The following MSRA variants were observed in gnomAD, a reference collection of about 807,000 sequenced individuals.
MSRA encodes the protein mitochondrial peptide methionine sulfoxide reductase.
In MSRA, 54 loss-of-function variants were observed where a neutral mutation model predicts 31.3. The ratio of observed to expected loss-of-function variants is 1.73; its 90% CI spans 1.39 to 2.17. The LOEUF is 2.17. MSRA is among the 30% of genes most tolerant of loss of function. MSRA has a pLI of 0.00. For missense variants in MSRA, 507 were observed against 300.9 expected (o/e 1.69, Z -5.07); for synonymous variants, 169 against 116.5 (o/e 1.45, Z -2.90).
intron 1 of MSRA, among the ~76,000 whole-genome samples, chr8:10,112,364 G>T (rs1266452121): frequency 1.3e-5 from 2 of 152,316 alleles, no homozygotes; most frequent in Admixed American, 1.3e-4. Context: ...TGGTAAATGA[G>T]ATATAGAAGG....
At chr8:10,298,704 A>G (rs1172143373) in intron 3 of MSRA, among the ~76,000 whole-genome samples, 1 of 152,200 alleles carries the variant, frequency 6.6e-6, no homozygotes, top group Non-Finnish European at 1.5e-5. Context: ...ATCATAAAGT[A>G]ACAGCTTTGA....
At chr8:10,164,897 A>G (rs769874168) in intron 1 of MSRA, among the ~76,000 whole-genome samples, 3 of 152,164 alleles carry the variant, frequency 2.0e-5, no homozygotes, top group Admixed American at 2.0e-4. Context: ...GTGTTGTCGC[A>G]GACGCCTGTA....
At chr8:10,074,689 T>C (rs537986532) in intron 1 of MSRA, among the ~76,000 whole-genome samples, 87 of 152,188 alleles carry the variant, frequency 5.7e-4, no homozygotes, top group African/African-American at 2.0e-3. Context: ...GACACAGTCT[T>C]GCTCTGTTGC....
chr8:10,114,215 A>T (rs991697884), intron 1 of MSRA, among the ~76,000 whole-genome samples: 2 of 152,178 alleles, frequency 1.3e-5, no homozygotes, highest in Non-Finnish European at 2.9e-5. Context: ...TTTATCCATC[A>T]TCAGTTGGTG....
Position 10,254,267 on chromosome 8 carries a change from T to C in MSRA, c.331+9044T>C, listed in dbSNP as rs1030384462. ...GGTGACCACCTACCCACAACGTGTT[T>C]TGAACTCTTTTATTTATAGTTGTTG... On this transcript the variant is annotated intron_variant, in intron 3 of 5. Coordinates refer to ENST00000317173, the MANE Select transcript of MSRA (RefSeq NM_012331.5). Among the ~76,000 whole-genome samples, 8 of 152,200 alleles carry C rather than the reference T, an allele frequency of 5.3e-5. No homozygotes were observed. The East Asian group carries it at 1.2e-3, about 22-fold the overall frequency.
chr8:10,389,973 C>T (rs1806637515), intron 5 of MSRA, among the ~76,000 whole-genome samples: 1 of 152,130 alleles, frequency 6.6e-6, no homozygotes, highest in Admixed American at 6.5e-5. Context: ...CCCTGCATGG[C>T]TCACAGAGCC....
At position 10,213,432 on chromosome 8, in the gene MSRA, CTTTTTTTT is replaced by C. The variant is rs1198665886; in HGVS notation, c.211+5548_211+5555del. ...CCATTGTGTACATGTACCACACTTT[CTTTTTTTT>C]TTTTTTTTTTTTTTTTGAGACAGAG... On this transcript the variant is annotated intron_variant, in intron 2 of 5. Coordinates refer to ENST00000317173, the MANE Select transcript of MSRA (RefSeq NM_012331.5). 2.8e-3 allele frequency among the ~76,000 whole-genome samples: 215 copies of C among 76,762 alleles called. 2 individuals are homozygous for C. The highest frequency in any genetic ancestry group is 0.011 in the African/African-American group (209 of 18,988). 50.4% of individuals were successfully genotyped at this position (76,762 alleles called of 152,430 possible).
At chr8:10,322,777 A>T (rs1802120965) in intron 5 of MSRA, among the ~76,000 whole-genome samples, 1 of 152,198 alleles carries the variant, frequency 6.6e-6, no homozygotes, top group African/African-American at 2.4e-5. Flanking sequence ...TGATAAGATT[A>T]CTTGGGAAAA....
At chr8:10,286,074 C>T (rs867808575) in intron 3 of MSRA, among the ~76,000 whole-genome samples, 46 of 152,146 alleles carry the variant, frequency 3.0e-4, no homozygotes, top group African/African-American at 7.7e-4. Context: ...CACTGGGCAC[C>T]GTGTCTGCCA....
chr8:10,202,673 A>G (rs1808607849), intron 1 of MSRA, among the ~76,000 whole-genome samples: 1 of 152,024 alleles, frequency 6.6e-6, no homozygotes, highest in Non-Finnish European at 1.5e-5. Flanking sequence ...ACTAATGTTT[A>G]TTTGCCGTTC....
rs574026925 is a variant in MSRA at position 10,258,758 on chromosome 8, G to T, written c.331+13535G>T. ...AGAGCAGAGGTCTTGGCAAAACCAG[G>T]CTTTCCCTCAGATTGTTCAGCAGAG... On this transcript the variant is annotated intron_variant, in intron 3 of 5. Coordinates refer to ENST00000317173, the MANE Select transcript of MSRA (RefSeq NM_012331.5). 9.2e-5 allele frequency among the ~76,000 whole-genome samples: 14 copies of T among 152,324 alleles called. No individual in the cohort carries two copies. The East Asian group carries it at 2.7e-3, about 29-fold the overall frequency.
chr8:10,292,653 C>T (rs377682817), intron 3 of MSRA, among the ~76,000 whole-genome samples: 12 of 152,246 alleles, frequency 7.9e-5, no homozygotes, highest in African/African-American at 2.9e-4. Flanking sequence ...TCTCCCTGCA[C>T]AGCGCCTCTT....
intron 1 of MSRA, among the ~76,000 whole-genome samples, chr8:10,077,669 C>A (rs1489537087): frequency 6.6e-6 from 1 of 151,926 alleles, no homozygotes; most frequent in Non-Finnish European, 1.5e-5. Context: ...TTTTTCCTCT[C>A]AGCCTCCCTC....
chr8:10,129,096 C>G (rs1375206825), intron 1 of MSRA, among the ~76,000 whole-genome samples: 1 of 152,186 alleles, frequency 6.6e-6, no homozygotes, highest in African/African-American at 2.4e-5. Context: ...GCAGTGGTGG[C>G]TAATTGATGA....
At chr8:10,060,126 A>G (rs1388592791) in intron 1 of MSRA, among the ~76,000 whole-genome samples, 1 of 151,788 alleles carries the variant, frequency 6.6e-6, no homozygotes, top group East Asian at 1.9e-4. Context: ...TCGTCTGGAC[A>G]TAACTGCTAT....
chr8:10,240,730 T>C (rs1277255260), intron 2 of MSRA, among the ~76,000 whole-genome samples: 1 of 152,138 alleles, frequency 6.6e-6, no homozygotes, highest in Non-Finnish European at 1.5e-5. Context: ...GATTTTTCCC[T>C]TACCCCTGTC....
chr8:10,176,212 G>T (rs1806036192), intron 1 of MSRA, among the ~76,000 whole-genome samples: 1 of 152,116 alleles, frequency 6.6e-6, no homozygotes, highest in African/African-American at 2.4e-5. Flanking sequence ...TTAAAATTCA[G>T]GATGAGAACT....
intron 2 of MSRA, among the ~76,000 whole-genome samples, chr8:10,210,693 G>A (rs1809398416): frequency 6.6e-6 from 1 of 151,684 alleles, no homozygotes; most frequent in African/African-American, 2.4e-5. Context: ...AGCCTTGGAG[G>A]TCTTCATATT....
chr8:10,201,758 A>G (rs952101557), intron 1 of MSRA, among the ~76,000 whole-genome samples: 2 of 152,244 alleles, frequency 1.3e-5, no homozygotes, highest in Non-Finnish European at 2.9e-5. Flanking sequence ...GTTGACTTTG[A>G]CCCAGTCTTG....
Sources: allele counts gnomAD v4.1 joint callset (sites outside exome capture counted in the v4.1 genomes callset), GRCh38; gene constraint gnomAD v4.1.1; transcripts MANE v1.5; gene names NCBI Gene and HGNC (gene_info 2026-07-23, HGNC 2026-07-21).